GNG7: variants seen among roughly 807,000 people sequenced by gnomAD.
GNG7 encodes guanine nucleotide-binding protein G(I)/G(S)/G(O) subunit gamma-7.
In GNG7, 1 loss-of-function variant was observed where a neutral mutation model predicts 4.0. The ratio of observed to expected loss-of-function variants is 0.25; its 90% CI spans 0.09 to 1.18. GNG7 has a LOEUF of 1.18. Among genes scored for constraint, GNG7 ranks in the 50% most tolerant of loss-of-function variants. The probability of loss-of-function intolerance (pLI) is 0.50; values close to 1 mark genes in which losing one functional copy is unlikely to be tolerated. For synonymous variants in GNG7, 34 were observed against 36.9 expected (o/e 0.92, Z 0.29); for missense variants, 86 against 91.9 (o/e 0.94, Z 0.26).
chr19:2,576,142 T>G (rs980267792), intron 2 of GNG7, among the ~76,000 whole-genome samples: 2 of 152,030 alleles, frequency 1.3e-5, no homozygotes, highest in African/African-American at 2.4e-5. Context: ...CACAGACACA[T>G]GCGGCACGGG....
intron 3 of GNG7, among the ~76,000 whole-genome samples, chr19:2,540,710 G>T (rs1978932435): frequency 6.6e-6 from 1 of 152,200 alleles, no homozygotes. Context: ...GGCCCGCCGG[G>T]CAGCGGGACA....
rs957197845 is a variant in GNG7 at position 2,626,378 on chromosome 19, G to T, written c.-78+19846C>A. ...AGTTTCCTAATCTGTCACACAGGGA[G>T]GCTGGACCCAAACCAATTGATTGTT... On this transcript the variant is annotated intron_variant, in intron 2 of 4. Coordinates refer to ENST00000382159, the MANE Select transcript of GNG7 (RefSeq NM_052847.3). This position sits in a 1 kb window ranked among gnomAD's most constrained non-coding sequence, Gnocchi z 5.0. 1.3e-4 allele frequency among the ~76,000 whole-genome samples: 20 copies of T among 152,312 alleles called. No individual in the cohort carries two copies. Among genetic ancestry groups the T allele is most frequent in the African/African-American group, 4.6e-4 (19 of 41,556 alleles).
intron 2 of GNG7, among the ~76,000 whole-genome samples, chr19:2,615,802 G>A (rs1200814019): frequency 2.0e-5 from 3 of 152,156 alleles, no homozygotes; most frequent in Non-Finnish European, 1.5e-5. Flanking sequence ...GAGCAATTAA[G>A]CTGCCCTCTG....
In GNG7 at chr19:2,511,710, G is replaced by A. The variant is rs1218173346; in HGVS notation, c.*3312C>T. 2.9e-5 allele frequency: 22 copies of A among 762,126 alleles called. No individual in the cohort carries two copies. Among genetic ancestry groups the A allele is most frequent in the Admixed American group, 6.3e-5 (1 of 15,948 alleles). 47.2% of individuals were successfully genotyped at this position (762,126 alleles called of 1,614,324 possible). A position where few individuals can be genotyped will look rare whatever the true frequency, so the allele number is the denominator to read the frequency against. ...AGGCCTAGCGTTGCGCCTCGGACACGGTGGCCGGCCCGTCAAAGGGACCAC... is the reference window on the plus strand; with the variant it reads ...AGGCCTAGCGTTGCGCCTCGGACACAGTGGCCGGCCCGTCAAAGGGACCAC... On this transcript the variant is annotated 3_prime_UTR_variant, in exon 5 of 5. Coordinates refer to ENST00000382159, the MANE Select transcript of GNG7 (RefSeq NM_052847.3). This position sits in a 1 kb window ranked among gnomAD's most constrained non-coding sequence, Gnocchi z 6.3.
chr19:2,512,894 G>A lies in GNG7; in HGVS notation c.*2128C>T, dbSNP rs1347439112. ...TCCCTTCCTGCCATTCCTGCTATGCGTGGTGGGGACGCCCACACCCCAAAC... is the reference window on the plus strand; with the variant it reads ...TCCCTTCCTGCCATTCCTGCTATGCATGGTGGGGACGCCCACACCCCAAAC... On this transcript the variant is annotated 3_prime_UTR_variant, in exon 5 of 5. Transcript: ENST00000382159. The surrounding 1 kb of genome is among the most constrained non-coding windows in gnomAD (Gnocchi z 4.7). 7 of 985,014 alleles carry A rather than the reference G, an allele frequency of 7.1e-6. No individual in the cohort carries two copies. The highest frequency in any genetic ancestry group is 8.4e-6 in the Non-Finnish European group (7 of 829,556). 61.0% of individuals were successfully genotyped at this position (985,014 alleles called of 1,614,324 possible).
At chr19:2,562,200 G>A (rs983266374) in intron 2 of GNG7, among the ~76,000 whole-genome samples, 9 of 152,282 alleles carry the variant, frequency 5.9e-5, no homozygotes, top group East Asian at 1.9e-4. Flanking sequence ...GTGAGTCACC[G>A]CAGCCCCGGA....
chr19:2,605,924 C>G (rs1414803796), intron 2 of GNG7, among the ~76,000 whole-genome samples: 1 of 152,124 alleles, frequency 6.6e-6, no homozygotes, highest in Non-Finnish European at 1.5e-5. Context: ...CCTCTTTGTC[C>G]TATAAGGGAA....
chr19:2,616,386 A>G (rs1038196505), intron 2 of GNG7, among the ~76,000 whole-genome samples: 1 of 152,138 alleles, frequency 6.6e-6, no homozygotes, highest in East Asian at 1.9e-4. Context: ...CTGGGATTAC[A>G]GGCGTGTGCC....
chr19:2,560,828 G>T (rs770189087), intron 2 of GNG7, among the ~76,000 whole-genome samples: 16 of 151,916 alleles, frequency 1.1e-4, no homozygotes, highest in Non-Finnish European at 2.2e-4. Flanking sequence ...GTGGTGGTGG[G>T]TGCCTGTAAT....
chr19:2,551,832 C>T (rs1227376165), intron 3 of GNG7, among the ~76,000 whole-genome samples: 1 of 151,950 alleles, frequency 6.6e-6, no homozygotes, highest in Non-Finnish European at 1.5e-5. Flanking sequence ...TACAGGCATG[C>T]GTCACCACGC....
At chr19:2,545,003 C>T (rs1293288266) in intron 3 of GNG7, among the ~76,000 whole-genome samples, 1 of 152,192 alleles carries the variant, frequency 6.6e-6, no homozygotes, top group Non-Finnish European at 1.5e-5. Context: ...CCCCCAACTC[C>T]TGGGATTCAC....
chr19:2,624,101 A>T (rs1981950915), intron 2 of GNG7, among the ~76,000 whole-genome samples: 1 of 152,072 alleles, frequency 6.6e-6, no homozygotes, highest in African/African-American at 2.4e-5. Context: ...TCAGTCTGGG[A>T]AGATGGAAAG....
At chr19:2,554,506 C>CAT (rs1290164047) in intron 3 of GNG7, among the ~76,000 whole-genome samples, 1 of 147,208 alleles carries the variant, frequency 6.8e-6, no homozygotes, top group Non-Finnish European at 1.5e-5. Context: ...ACTGTGTATA[C>CAT]ATATATATAG....
At chr19:2,516,051 C>G (rs189018389) in intron 4 of GNG7, among the ~76,000 whole-genome samples, 1 of 151,486 alleles carries the variant, frequency 6.6e-6, no homozygotes, top group South Asian at 2.1e-4. Context: ...CCTATCTCTA[C>G]AAAAAATACA....
chr19:2,573,642 GAGTT>G (rs999910942), intron 2 of GNG7, among the ~76,000 whole-genome samples: 1 of 151,924 alleles, frequency 6.6e-6, no homozygotes, highest in African/African-American at 2.4e-5. Flanking sequence ...CATGGTGAAA[GAGTT>G]AGTGTCTTGT....
intron 2 of GNG7, among the ~76,000 whole-genome samples, chr19:2,604,013 G>A (rs922746945): frequency 6.6e-5 from 10 of 151,998 alleles, no homozygotes; most frequent in Admixed American, 1.3e-4. Flanking sequence ...ACCACGCCCC[G>A]CTAATTTTTT....
intron 1 of GNG7, among the ~76,000 whole-genome samples, chr19:2,668,852 G>A (rs1448314649): frequency 6.6e-6 from 1 of 152,054 alleles, no homozygotes; most frequent in East Asian, 1.9e-4. Context: ...GTACCGCAGG[G>A]TGCTGAGGAG....
chr19:2,684,453 G>A (rs1983821782), intron 1 of GNG7, among the ~76,000 whole-genome samples: 1 of 151,622 alleles, frequency 6.6e-6, no homozygotes. Context: ...TGCTGTTGAT[G>A]GAGGCCCCAA....
chr19:2,575,872 G>T (rs1241934062), intron 2 of GNG7, among the ~76,000 whole-genome samples: 1 of 130,854 alleles, frequency 7.6e-6, no homozygotes, highest in Non-Finnish European at 1.7e-5. Flanking sequence ...CGCAGACACA[G>T]GCACACGCAG....
Sources: gnomAD v4.1 joint callset for allele counts (sites outside exome capture counted in the v4.1 genomes callset) on GRCh38, gnomAD v4.1.1 for gene constraint, Gnocchi (gnomAD v3.1) non-coding constraint, MANE v1.5 for transcripts, NCBI Gene and HGNC (gene_info 2026-07-23, HGNC 2026-07-21) for gene names.